Variants in SSC4D observed in about 807,000 individuals in gnomAD.
SSC4D encodes the protein scavenger receptor cysteine rich family member with 4 domains, also known as scavenger receptor cysteine-rich domain-containing group B protein.
Under a neutral mutation model 63.4 loss-of-function variants are expected in SSC4D, and 57 were observed. The ratio of observed to expected loss-of-function variants is 0.90; its 90% confidence interval spans 0.73 to 1.12. SSC4D has a LOEUF of 1.12. SSC4D is among the 50% of genes most tolerant of loss of function. The pLI, the probability that SSC4D is intolerant of heterozygous loss-of-function variation, is 0.00. For synonymous variants in SSC4D, 352 were observed against 345.4 expected (o/e 1.02, Z -0.21); for missense variants, 791 against 806.4 (o/e 0.98, Z 0.23).
At chr7:76,394,373 G>C (rs1298072745) in intron 7 of SSC4D, among the ~76,000 whole-genome samples, 1 of 151,200 alleles carries the variant, frequency 6.6e-6, no homozygotes, top group Admixed American at 6.6e-5. Flanking sequence ...GTATTCCAAA[G>C]TGCTAGGACT....
intron 2 of SSC4D, among the ~76,000 whole-genome samples, chr7:76,401,435 A>C (rs1259871604): frequency 2.0e-5 from 3 of 151,832 alleles, no homozygotes; most frequent in Admixed American, 1.3e-4. Context: ...TCTTTTTTTG[A>C]GACAAAGTCT....
chr7:76,400,878 A>G lies in SSC4D; in HGVS notation c.169+130T>C, dbSNP rs916745913. 4.7e-6 allele frequency: 6 copies of G among 1,283,504 alleles called. No homozygotes were observed. In the Admixed American group the frequency reaches 6.3e-5, roughly 13 times the overall value. The allele number at this position is 1,283,504 out of a possible 1,614,324, so 79.5% of individuals were successfully genotyped here. On this transcript the variant is annotated intron_variant, in intron 3 of 10. Transcript: ENST00000275560. ...CCCTTCTGGAAAATGGGGAGACTAC[A>G]GCTCCCCTGAGATGGGGGCATCTAG... is the stretch of plus-strand genomic sequence containing the variant.
chr7:76,405,312 TA>T (rs61475138), intron 1 of SSC4D, among the ~76,000 whole-genome samples: 10 of 69,094 alleles, frequency 1.4e-4, no homozygotes, highest in African/African-American at 4.7e-4. Context: ...TATATATATA[TA>T]TATGTATTTT....
chr7:76,390,208 G>A lies in SSC4D; in HGVS notation c.1579C>T (p.His527Tyr), dbSNP rs757033170. The change falls in exon 11 of 11, where the codon CAC becomes TAC. Residue 527 changes from histidine to tyrosine, a missense_variant. By Grantham distance (83) the His-to-Tyr change is moderately conservative (BLOSUM62 2). Coordinates refer to ENST00000275560, the MANE Select transcript of SSC4D (RefSeq NM_080744.2). ...ATGGGGCCTCGGCCTGGGCCAAAGT[G>A]AGCCTCGCCAGGGGCTGCGAGGGCC... ...GQALAAPGEA[H>Y]FGPGRGPILL... 6.2e-7 allele frequency: 1 copy of A among 1,614,204 alleles called. No homozygotes were observed. Among genetic ancestry groups the A allele is most frequent in the Non-Finnish European group, 8.5e-7 (1 of 1,180,018 alleles).
At position 76,404,401 on chromosome 7, in the gene SSC4D, C is replaced by G. The variant is rs759437995; in HGVS notation, c.39G>C (p.Leu13=). ...ACCTCCACCCCCAGCGCTTCTCATCCAGCTGGGGACCAATTAGCATCTCTG... is the reference window on the plus strand; with the variant it reads ...ACCTCCACCCCCAGCGCTTCTCATCGAGCTGGGGACCAATTAGCATCTCTG... ...KEAEMLIGPQ[L]DEKRWGWRLG... is the part of the protein sequence containing the mutation. The change falls in exon 2 of 11, where the codon CTG becomes CTC. Residue 13 remains leucine (L), a synonymous_variant. Transcript: ENST00000275560. 2 of 1,614,080 alleles carry G rather than the reference C, an allele frequency of 1.2e-6. No homozygotes were observed. The highest frequency in any genetic ancestry group is 1.7e-6 in the Non-Finnish European group (2 of 1,180,008).
intron 10 of SSC4D, 102 bp downstream of exon 10, chr7:76,391,862 G>A (rs554073896): frequency 2.5e-6 from 3 of 1,205,188 alleles, no homozygotes; most frequent in Admixed American, 2.0e-5. Flanking sequence ...AGGTCCCGGT[G>A]TGAATCTGCT....
chr7:76,401,165 C>T, intron 2 of SSC4D, 122 bp from the exon 3 acceptor site: 1 of 1,320,354 alleles, frequency 7.6e-7, no homozygotes, highest in Non-Finnish European at 1.0e-6. Context: ...GACTTCAGTA[C>T]CCCTGCTTTG....
chr7:76,405,335 C>CTTTTTTTTTTT (rs1563687084), intron 1 of SSC4D, among the ~76,000 whole-genome samples: 1 of 29,160 alleles, frequency 3.4e-5, no homozygotes, highest in Non-Finnish European at 6.1e-5. Flanking sequence ...TTCTTTCTTT[C>CTTTTTTTTTTT]TTTCTTTTTT....
At chr7:76,408,466 C>T (rs556049180) in intron 1 of SSC4D, among the ~76,000 whole-genome samples, 4 of 152,230 alleles carry the variant, frequency 2.6e-5, no homozygotes, top group Non-Finnish European at 5.9e-5. Flanking sequence ...TGCCTCCTGG[C>T]CTCAGTGCCA....
chr7:76,407,044 T>G (rs919562903), intron 1 of SSC4D, among the ~76,000 whole-genome samples: 9 of 152,150 alleles, frequency 5.9e-5, no homozygotes, highest in African/African-American at 2.2e-4. Flanking sequence ...CACTGCAACC[T>G]CCACCTCCTG....
intron 10 of SSC4D, 79 bp downstream of exon 10, chr7:76,391,885 C>G: frequency 7.0e-7 from 1 of 1,427,976 alleles, no homozygotes; most frequent in Non-Finnish European, 9.6e-7. Flanking sequence ...GCTTTATAAC[C>G]TAGGCTGTGA....
At position 76,397,531 on chromosome 7, in the gene SSC4D, G is replaced by T. The variant is rs752811372; in HGVS notation, c.855C>A (p.Gly285=). 1 of 1,568,464 alleles carries T rather than the reference G, an allele frequency of 6.4e-7. No individual in the cohort carries two copies. The highest frequency in any genetic ancestry group is 2.3e-5 in the East Asian group (1 of 42,818). ...VHNCGHHEDA[G]ALCAGLGPPT... is the part of the protein sequence containing the mutation. ...TAGAGCCCGCACCTGCGCAGAGCGC[G>T]CCCGCGTCCTCGTGGTGGCCGCAGT... Residue 285 remains glycine, a synonymous_variant, in exon 6 of 11, where the codon GGC becomes GGA. Coordinates refer to ENST00000275560, the MANE Select transcript of SSC4D (RefSeq NM_080744.2).
intron 1 of SSC4D, among the ~76,000 whole-genome samples, chr7:76,406,147 G>A (rs1262943453): frequency 4.6e-5 from 7 of 151,744 alleles, no homozygotes; most frequent in Admixed American, 1.3e-4. Context: ...CACCACGCCC[G>A]GCTCATTTTT....
At chr7:76,398,858 T>C in intron 4 of SSC4D, 61 bp from the exon 5 acceptor site, 2 of 1,568,132 alleles carry the variant, frequency 1.3e-6, no homozygotes, top group Non-Finnish European at 1.7e-6. Flanking sequence ...CACCACGGGG[T>C]GTTTAAGGGG....
rs574537323 is a variant in SSC4D at position 76,406,864 on chromosome 7, C to T, written c.-66-2359G>A. On this transcript the variant is annotated intron_variant, in intron 1 of 10. Transcript: ENST00000275560. ...GCAGCGTTTAGTCTCTCAGACCTTC[C>T]TTCACTTTTTTTATGTATTTGTGTG... Among the ~76,000 whole-genome samples, 133 of 151,826 alleles carry T rather than the reference C, an allele frequency of 8.8e-4. 1 individual carries two copies. Among genetic ancestry groups the T allele is most frequent in the Non-Finnish European group, 1.5e-3 (99 of 67,958 alleles).
At chr7:76,398,675 C>T in intron 5 of SSC4D, 45 bp downstream of exon 5, 1 of 1,577,752 alleles carries the variant, frequency 6.3e-7, no homozygotes, top group Non-Finnish European at 8.7e-7. Context: ...GTGTGAGAGA[C>T]TCCTCTCCCA....
At chr7:76,390,892 A>G (rs2115733352) in intron 10 of SSC4D, among the ~76,000 whole-genome samples, 1 of 151,824 alleles carries the variant, frequency 6.6e-6, no homozygotes, top group African/African-American at 2.4e-5. Flanking sequence ...GAGGCTGAGG[A>G]GGGAGGACTG....
At chr7:76,393,929 G>T in intron 7 of SSC4D, 25 bp from the exon 8 acceptor site, 1 of 1,579,574 alleles carries the variant, frequency 6.3e-7, no homozygotes, top group Non-Finnish European at 8.6e-7. Context: ...CATCTAGGGC[G>T]TTCGAAGGGG....
At position 76,400,580 on chromosome 7, in the gene SSC4D, C is replaced by T; in HGVS notation, c.181G>A (p.Val61Met). 1.4e-6 allele frequency: 2 copies of T among 1,475,780 alleles called. No homozygotes were observed. Among genetic ancestry groups the T allele is most frequent in the Non-Finnish European group, 1.8e-6 (2 of 1,109,174 alleles). 91.4% of individuals were successfully genotyped at this position (1,475,780 alleles called of 1,614,324 possible). ...TPLPFQELRLVGGPSRCRGRL... is the reference protein window; with the variant it reads ...TPLPFQELRLMGGPSRCRGRL... ...CCCCGGCAGCGGCTGGGGCCCCCCA[C>T]CAGCCTCAGCTCTGTGAAGAGGGTG... is the stretch of plus-strand genomic sequence containing the variant. Residue 61 changes from valine to methionine, a missense_variant, in exon 4 of 11, where the codon GTG (valine) becomes ATG (methionine). Physicochemically the swap from Val to Met is conservative, Grantham distance 21 (BLOSUM62 1). Coordinates refer to ENST00000275560, the MANE Select transcript of SSC4D (RefSeq NM_080744.2).
Sources: allele counts gnomAD v4.1 joint callset (sites outside exome capture counted in the v4.1 genomes callset), GRCh38; gene constraint gnomAD v4.1.1; transcripts MANE v1.5; gene names NCBI Gene and HGNC (gene_info 2026-07-23, HGNC 2026-07-21).